Variants in TMEM63B observed in about 807,000 individuals in gnomAD.
The protein encoded by TMEM63B is mechanosensitive cation channel TMEM63B.
Under a neutral mutation model 102.6 loss-of-function variants are expected in TMEM63B, and 23 were observed. That is an observed-to-expected ratio of 0.22 (90% CI 0.16 to 0.32). The LOEUF (loss-of-function observed/expected upper bound fraction) is 0.32, where lower values mean the gene tolerates loss of function less well. Ranked by LOEUF, TMEM63B falls within the 10% of genes least tolerant of loss-of-function variation. The pLI is 1.00. For missense variants in TMEM63B, 628 were observed against 1,095.9 expected (o/e 0.57, Z 6.03); for synonymous variants, 444 against 437.0 (o/e 1.02, Z -0.20).
intron 1 of TMEM63B, among the ~76,000 whole-genome samples, chr6:44,130,478 G>A (rs767908016): frequency 6.8e-6 from 1 of 146,308 alleles, no homozygotes; most frequent in Non-Finnish European, 1.5e-5. Context: ...TCTGTCTGTC[G>A]CCCAGGATGG....
At chr6:44,132,272 G>C (rs541472055) in intron 1 of TMEM63B, 1 of 985,410 alleles carries the variant, frequency 1.0e-6, no homozygotes, top group East Asian at 1.1e-4. Flanking sequence ...CCAAGGAGGC[G>C]GACAGCAGAG....
At chr6:44,153,905 GCCA>G in intron 21 of TMEM63B, 62 bp downstream of exon 21, 1 of 1,585,952 alleles carries the variant, frequency 6.3e-7, no homozygotes, top group South Asian at 1.2e-5. Flanking sequence ...GCCAGAGCAG[GCCA>G]CAGGAGAAGC....
intron 9 of TMEM63B, chr6:44,140,658 C>T (rs902275812): frequency 1.7e-6 from 1 of 574,796 alleles, no homozygotes; most frequent in African/African-American, 1.9e-5. Flanking sequence ...TATTCCTTCC[C>T]CTTCTACATG....
chr6:44,155,437 T>C lies in TMEM63B; in HGVS notation c.*554T>C, dbSNP rs1444332214. 1 of 147,058 alleles carries C rather than the reference T, an allele frequency of 6.8e-6. No individual in the cohort carries two copies. The highest frequency in any genetic ancestry group is 2.0e-4 in the East Asian group (1 of 4,996). The allele number at this position is 147,058 out of a possible 1,614,324, so 9.1% of individuals were successfully genotyped here. On this transcript the variant is annotated 3_prime_UTR_variant, in exon 24 of 24. Transcript: ENST00000323267. ...GGTGGGCAAGGCTGACACTGGAAAA[T>C]GGGTTTTTGCACTGTTTTTTTTTTG...
At chr6:44,145,397 A>T (rs1765154757) in intron 10 of TMEM63B, among the ~76,000 whole-genome samples, 1 of 151,282 alleles carries the variant, frequency 6.6e-6, no homozygotes, top group Non-Finnish European at 1.5e-5. Context: ...CCTGGCCAAC[A>T]TGTTGAAACC....
chr6:44,133,606 C>T (rs549197858), intron 1 of TMEM63B, among the ~76,000 whole-genome samples: 7 of 152,340 alleles, frequency 4.6e-5, no homozygotes, highest in African/African-American at 1.4e-4. Flanking sequence ...TCCCCAAGCA[C>T]TTTGAGAACC....
chr6:44,147,565 G>A (rs1364200783), intron 12 of TMEM63B, 65 bp downstream of exon 12: 1 of 1,583,176 alleles, frequency 6.3e-7, no homozygotes, highest in Non-Finnish European at 8.6e-7. Context: ...CAAGGCTGGG[G>A]CCCTGCCCTC....
chr6:44,142,267 TAA>T (rs57699007), intron 10 of TMEM63B, among the ~76,000 whole-genome samples: 56,677 of 138,284 alleles, frequency 0.41, 11,294 homozygotes, highest in Admixed American at 0.46. Context: ...CCCCATGTCT[TAA>T]AAAAAAAAAA....
At position 44,135,381 on chromosome 6, in the gene TMEM63B, A is replaced by G. The variant is rs1241466532; in HGVS notation, c.278+15A>G. On this transcript the variant is annotated intron_variant, in intron 4 of 23. Coordinates refer to ENST00000323267, the MANE Select transcript of TMEM63B (RefSeq NM_018426.3). ...GAACAGGAATAGTATGTGGGGCACC[A>G]GCCCCCTCATTCCCACTAAACCAGC... The G allele has an allele frequency of 1.9e-6, 3 of 1,607,416 alleles. No homozygotes were observed. The highest frequency in any genetic ancestry group is 2.6e-6 in the Non-Finnish European group (3 of 1,175,534).
intron 15 of TMEM63B, 90 bp downstream of exon 15, chr6:44,149,035 C>A: frequency 6.3e-7 from 1 of 1,594,104 alleles, no homozygotes; most frequent in Non-Finnish European, 8.5e-7. Context: ...CCAGCCCAGC[C>A]CGTTCTGCTT....
chr6:44,155,064 A>G lies in TMEM63B; in HGVS notation c.*181A>G. On this transcript the variant is annotated 3_prime_UTR_variant, in exon 24 of 24. Coordinates refer to ENST00000323267, the MANE Select transcript of TMEM63B (RefSeq NM_018426.3). ...CCATGATGGAGGGAGGGAGCCCCCCAACCTCAGTGAGGAGAGCCCCGAGCC... is the reference window on the plus strand; with the variant it reads ...CCATGATGGAGGGAGGGAGCCCCCCGACCTCAGTGAGGAGAGCCCCGAGCC... 1.7e-6 allele frequency: 1 copy of G among 595,548 alleles called. No homozygotes were observed. The highest frequency in any genetic ancestry group is 3.9e-5 in the Admixed American group (1 of 25,590). The allele number at this position is 595,548 out of a possible 1,614,324, so 36.9% of individuals were successfully genotyped here.
chr6:44,146,704 G>GC lies in TMEM63B; in HGVS notation c.783-137dup, dbSNP rs1561816369. On this transcript the variant is annotated intron_variant, in intron 10 of 23. Coordinates refer to ENST00000323267, the MANE Select transcript of TMEM63B (RefSeq NM_018426.3). ...GACCTCAGGTGATCCTCCCGCTTCG[G>GC]CCCCCCAAAGTGCTGGGATTACAGA... 2.5e-5 allele frequency: 20 copies of GC among 803,138 alleles called. No individual in the cohort carries two copies. In the South Asian group the frequency reaches 2.6e-4, roughly 10 times the overall value. 49.8% of individuals were successfully genotyped at this position (803,138 alleles called of 1,614,324 possible).
rs1336471652 is a variant in TMEM63B, at chr6:44,155,023, G to T, written c.*140G>T. 6 of 815,304 alleles carry T rather than the reference G, an allele frequency of 7.4e-6. No homozygotes were observed. The African/African-American group carries it at 9.5e-5, about 13-fold the overall frequency. The allele number at this position is 815,304 out of a possible 1,614,324, so 50.5% of individuals were successfully genotyped here. On this transcript the variant is annotated 3_prime_UTR_variant, in exon 24 of 24. Transcript: ENST00000323267. ...TTCATTAAGGTATTTAAACTTGGGG[G>T]TTTCACTGCTCTCCCCCATGATGGA...
chr6:44,149,724 G>A (rs1011199762), intron 15 of TMEM63B, 135 bp from the exon 16 acceptor site: 22 of 658,554 alleles, frequency 3.3e-5, no homozygotes, highest in Admixed American at 1.1e-4. Context: ...CCAGCCCTCC[G>A]GATGTTCTGG....
chr6:44,134,283 G>A, intron 1 of TMEM63B: 1 of 390,316 alleles, frequency 2.6e-6, no homozygotes, highest in East Asian at 4.3e-5. Context: ...GAAAATCACA[G>A]ATACCTTCCA....
intron 6 of TMEM63B, chr6:44,138,736 G>GGCCCCCCCCCCCCCCCCC (rs567563400): frequency 3.6e-6 from 1 of 276,128 alleles, no homozygotes; most frequent in Admixed American, 5.3e-5. Context: ...CCCCCTGCCG[G>GGCCCCCCCCCCCCCCCCC]CCCCCCCGCT....
intron 8 of TMEM63B, 97 bp from the exon 9 acceptor site, chr6:44,140,155 T>C: frequency 2.1e-6 from 2 of 960,354 alleles, no homozygotes; most frequent in Non-Finnish European, 1.6e-6. Flanking sequence ...TAGAGGGCCC[T>C]GTCTGTATCA....
rs561086193 is a variant in TMEM63B, at chr6:44,134,571, C to A, written c.-14C>A. On this transcript the variant is annotated 5_prime_UTR_variant, in exon 2 of 24. Transcript: ENST00000323267. Reference sequence around the variant, plus strand: ...CCACCCTCTGCCCAGGAGGACCATGCGGCAGTAGCAGCCATGCTGCCCTTT... The same window carrying A: ...CCACCCTCTGCCCAGGAGGACCATGAGGCAGTAGCAGCCATGCTGCCCTTT... 6.2e-7 allele frequency: 1 copy of A among 1,612,724 alleles called. No individual in the cohort carries two copies. The highest frequency in any genetic ancestry group is 8.5e-7 in the Non-Finnish European group (1 of 1,179,350).
Position 44,139,705 on chromosome 6 carries a change from CAG to C in TMEM63B, c.552_553del. On this transcript the variant is annotated splice_acceptor_variant, in intron 7 of 23. Coordinates refer to ENST00000323267, the MANE Select transcript of TMEM63B (RefSeq NM_018426.3). LOFTEE classifies it high-confidence loss of function. ...TCATCCTCTCCCTCTTCCCACCCCA[CAG>C]AGAACAATGCCTACAGCTTTGGGAG... 6.2e-7 allele frequency: 1 copy of C among 1,614,210 alleles called. No individual in the cohort carries two copies.
Sources: allele counts gnomAD v4.1 joint callset (sites outside exome capture counted in the v4.1 genomes callset), GRCh38; gene constraint gnomAD v4.1.1; transcripts MANE v1.5; gene names NCBI Gene and HGNC (gene_info 2026-07-23, HGNC 2026-07-21).